Variants in FOXP2 observed in about 807,000 individuals in gnomAD.
The protein encoded by FOXP2 is forkhead box P2.
Under a neutral mutation model 115.8 loss-of-function variants are expected in FOXP2, and 12 were observed. That is an observed-to-expected ratio of 0.10 (90% CI 0.07 to 0.17). FOXP2 has a LOEUF of 0.17. Ranked by LOEUF, FOXP2 falls within the 10% of genes least tolerant of loss-of-function variation. The pLI, the probability that FOXP2 is intolerant of heterozygous loss-of-function variation, is 1.00. For synonymous variants in FOXP2, 328 were observed against 297.7 expected, an observed-to-expected ratio of 1.10 and a Z score of -1.05; for missense variants, 629 against 843.5, an observed-to-expected ratio of 0.75 and a Z score of 3.15.
chr7:114,477,067 G>A (rs1796307183), intron 2 of FOXP2, among the ~76,000 whole-genome samples: 1 of 151,956 alleles, frequency 6.6e-6, no homozygotes, highest in South Asian at 2.1e-4. Flanking sequence ...ATGTAAATCA[G>A]TCCATCCACT....
chr7:114,562,645 A>G (rs919123444), intron 3 of FOXP2, among the ~76,000 whole-genome samples: 1 of 152,090 alleles, frequency 6.6e-6, no homozygotes, highest in Non-Finnish European at 1.5e-5. Flanking sequence ...GCACGTCTTC[A>G]TTCCTATGTC....
At chr7:114,594,512 T>C (rs150147393) in intron 3 of FOXP2, among the ~76,000 whole-genome samples, 1 of 152,192 alleles carries the variant, frequency 6.6e-6, no homozygotes, top group Non-Finnish European at 1.5e-5. Context: ...TTGTCTCACT[T>C]TGGAGCTTTT....
chr7:114,364,715 G>C lies in FOXP2; in HGVS notation c.-10-61787G>C, dbSNP rs188899789. Among the ~76,000 whole-genome samples, 5 of 152,146 alleles carry C rather than the reference G, an allele frequency of 3.3e-5. No individual in the cohort carries two copies. In the East Asian group the frequency reaches 9.7e-4, roughly 29 times the overall value. On this transcript the variant is annotated intron_variant, in intron 2 of 17. Transcript: ENST00000634411. ...CATAAACGGTATGGATTTGCAGTAG[G>C]CTCATTTAGTTTTTGAGGAAGGTGA...
At chr7:114,341,555 A>T (rs571716041) in intron 2 of FOXP2, among the ~76,000 whole-genome samples, 51 of 151,524 alleles carry the variant, frequency 3.4e-4, no homozygotes, top group African/African-American at 1.2e-3. Context: ...GTGTTTAAAA[A>T]TAATTCATTA....
At chr7:114,440,170 A>G (rs965018044) in intron 2 of FOXP2, among the ~76,000 whole-genome samples, 3 of 152,290 alleles carry the variant, frequency 2.0e-5, no homozygotes, top group East Asian at 3.9e-4. Flanking sequence ...AGATTAAACC[A>G]TCTGTTCAAA....
chr7:114,106,345 C>T (rs1464242222), intron 1 of FOXP2, among the ~76,000 whole-genome samples: 1 of 149,318 alleles, frequency 6.7e-6, no homozygotes, highest in African/African-American at 2.5e-5. Context: ...TTTTTCCTAG[C>T]TGCTGTCCCC....
At chr7:114,520,030 G>C (rs76299973) in intron 2 of FOXP2, among the ~76,000 whole-genome samples, 398 of 152,224 alleles carry the variant, frequency 2.6e-3, no homozygotes, top group African/African-American at 7.8e-3. Context: ...CCTTTGGGCA[G>C]TAGCTTTATG....
At chr7:114,337,663 G>T (rs1265600485) in intron 2 of FOXP2, among the ~76,000 whole-genome samples, 3 of 151,098 alleles carry the variant, frequency 2.0e-5, no homozygotes, top group Non-Finnish European at 4.5e-5. Flanking sequence ...AGCAGTTCCT[G>T]ATGTCATAAT....
At chr7:114,500,560 T>C (rs1375392739) in intron 2 of FOXP2, among the ~76,000 whole-genome samples, 1 of 152,198 alleles carries the variant, frequency 6.6e-6, no homozygotes, top group East Asian at 1.9e-4. Context: ...AGTAGGTCTT[T>C]CTTTTAAGAA....
At chr7:114,187,965 C>A (rs1263711713) in intron 1 of FOXP2, among the ~76,000 whole-genome samples, 1 of 152,152 alleles carries the variant, frequency 6.6e-6, no homozygotes, top group Non-Finnish European at 1.5e-5. Context: ...GCAGAGCCCT[C>A]ATGGCCTAAT....
intron 2 of FOXP2, among the ~76,000 whole-genome samples, chr7:114,514,847 C>T (rs945502828): frequency 5.9e-5 from 9 of 151,560 alleles, no homozygotes; most frequent in African/African-American, 1.7e-4. Context: ...AGGTATATCT[C>T]CTAAAGCTAT....
intron 2 of FOXP2, among the ~76,000 whole-genome samples, chr7:114,439,069 T>C (rs762002587): frequency 5.3e-5 from 8 of 152,212 alleles, no homozygotes; most frequent in Admixed American, 2.0e-4. Flanking sequence ...TTGGTATAAA[T>C]TAATTTAGTT....
intron 1 of FOXP2, among the ~76,000 whole-genome samples, chr7:114,180,747 T>C (rs1166025081): frequency 6.6e-6 from 1 of 151,824 alleles, no homozygotes; most frequent in Non-Finnish European, 1.5e-5. Flanking sequence ...CTGGCCCCAT[T>C]GATTCAATCT....
At chr7:114,645,128 TAATA>T (rs1805807083) in intron 8 of FOXP2, 1 of 84,706 alleles carries the variant, frequency 1.2e-5, no homozygotes, top group Non-Finnish European at 2.3e-5. Flanking sequence ...TGAGTCATCC[TAATA>T]TATATATATA....
chr7:114,158,422 C>G (rs115825048), upstream of FOXP2, among the ~76,000 whole-genome samples: 453 of 151,978 alleles, frequency 3.0e-3, 2 homozygotes, highest in African/African-American at 0.01. Flanking sequence ...GTCTCACTCT[C>G]TCTCTCATGC....
At chr7:114,468,501 C>T (rs1261283449) in intron 2 of FOXP2, among the ~76,000 whole-genome samples, 1 of 152,088 alleles carries the variant, frequency 6.6e-6, no homozygotes. Flanking sequence ...ACTGTTTTCA[C>T]ACTCCCTGGC....
At chr7:114,363,053 A>T (rs569716456) in intron 2 of FOXP2, among the ~76,000 whole-genome samples, 3 of 152,210 alleles carry the variant, frequency 2.0e-5, no homozygotes, top group African/African-American at 7.2e-5. Flanking sequence ...AGGTGGGAGG[A>T]ATAGTTAATA....
At chr7:114,590,395 A>G (rs1802383846) in intron 3 of FOXP2, among the ~76,000 whole-genome samples, 1 of 152,154 alleles carries the variant, frequency 6.6e-6, no homozygotes, top group Non-Finnish European at 1.5e-5. Flanking sequence ...ATAGCCTGCT[A>G]TTTCTTGAGG....
At chr7:114,253,486 T>C (rs1795511337) in intron 1 of FOXP2, among the ~76,000 whole-genome samples, 1 of 152,320 alleles carries the variant, frequency 6.6e-6, no homozygotes, top group African/African-American at 2.4e-5. Context: ...CTGTATTGGG[T>C]GCATATATAT....
Sources: gnomAD v4.1 joint callset for allele counts (sites outside exome capture counted in the v4.1 genomes callset) on GRCh38, gnomAD v4.1.1 for gene constraint, MANE v1.5 for transcripts, NCBI Gene and HGNC (gene_info 2026-07-23, HGNC 2026-07-21) for gene names.